The following SRSF5 variants were observed in gnomAD, a reference collection of about 807,000 sequenced individuals.
SRSF5 encodes serine and arginine rich splicing factor 5.
SRSF5 carries 5 observed loss-of-function variants against 34.0 expected under a neutral mutation model. The observed-to-expected ratio is 0.15, with a 90% CI of 0.08 to 0.31. The LOEUF is 0.31. SRSF5 is among the 10% of genes least tolerant of loss of function. The pLI, the probability that SRSF5 is intolerant of heterozygous loss-of-function variation, is 1.00. For missense variants in SRSF5, 223 were observed against 351.4 expected (o/e 0.63, Z 2.92); for synonymous variants, 164 against 117.7 (o/e 1.39, Z -2.55).
intron 7 of SRSF5, 26 bp from the exon 8 acceptor site, chr14:69,771,168 G>A (rs1883156411): frequency 6.2e-7 from 1 of 1,613,680 alleles, no homozygotes; most frequent in Non-Finnish European, 8.5e-7. Flanking sequence ...GTCTTATCTA[G>A]GCTGATTTCT....
intron 4 of SRSF5, 31 bp from the exon 5 acceptor site, chr14:69,769,151 T>G: frequency 6.2e-7 from 1 of 1,612,744 alleles, no homozygotes; most frequent in Non-Finnish European, 8.5e-7. Context: ...ATTGCATTTC[T>G]TCCATTGTGA....
rs1283344001 is a variant in SRSF5 at position 69,767,251 on chromosome 14, G to C, written c.-24G>C. The C allele has an allele frequency of 2.4e-5, 9 of 381,784 alleles. No homozygotes were observed. The highest frequency in any genetic ancestry group is 4.5e-5 in the Non-Finnish European group (9 of 197,876). 23.6% of individuals were successfully genotyped at this position (381,784 alleles called of 1,614,324 possible). On this transcript the variant is annotated 5_prime_UTR_variant, in exon 1 of 8. Coordinates refer to ENST00000557154, the MANE Select transcript of SRSF5 (RefSeq NM_001320214.2). Reference sequence around the variant, plus strand: ...GTCTCAGCCGCCAAAGACCCCGTCCGGTAGGTGAGTGGCTCACTTTGAGGG... The same window carrying C: ...GTCTCAGCCGCCAAAGACCCCGTCCCGTAGGTGAGTGGCTCACTTTGAGGG...
At position 69,769,215 on chromosome 14, in the gene SRSF5, T is replaced by C; in HGVS notation, c.330T>C (p.Leu110=). The C allele has an allele frequency of 6.2e-7, 1 of 1,614,184 alleles. No homozygotes were observed. Among genetic ancestry groups the C allele is most frequent in the South Asian group, 1.1e-5 (1 of 91,086 alleles). The change falls in exon 5 of 8, where the codon CTT becomes CTC. Residue 110 remains leucine (L), a synonymous_variant. Transcript: ENST00000557154. ...CACCTGTAAGAACAGAAAATCGTCT[T>C]ATAGTTGAGAATTTATCCTCAAGAG... The part of the protein sequence containing the change: ...NAPPVRTENR[L]IVENLSSRVS...
intron 5 of SRSF5, chr14:69,770,170 G>A: frequency 9.1e-7 from 1 of 1,094,568 alleles, no homozygotes; most frequent in Non-Finnish European, 1.1e-6. Context: ...TTCCTTTTTT[G>A]TTGTTTTTTT....
chr14:69,767,400 T>A (rs1271665931), intron 1 of SRSF5, 145 bp downstream of exon 1: 9 of 455,744 alleles, frequency 2.0e-5, no homozygotes, highest in Non-Finnish European at 3.5e-5. Flanking sequence ...GGGGCACGTC[T>A]CCCTTTTGGC....
At chr14:69,767,714 G>C (rs751060231) in intron 1 of SRSF5, 7 of 358,918 alleles carry the variant, frequency 2.0e-5, no homozygotes, top group Admixed American at 1.5e-4. Flanking sequence ...CGCTGCTGTT[G>C]GCGCAGGCGC....
chr14:69,768,793 T>C lies in SRSF5; in HGVS notation c.198-5T>C. 6.2e-7 allele frequency: 1 copy of C among 1,614,040 alleles called. No homozygotes were observed. The highest frequency in any genetic ancestry group is 1.1e-5 in the South Asian group (1 of 91,078). ...GTAACGGAGATTTTTCTTCCCTTTT[T>C]GTAGGGTTACTATTGAACATGCTAG... On this transcript the variant is annotated splice_region_variant and splice_polypyrimidine_tract_variant and intron_variant, in intron 3 of 7. Transcript: ENST00000557154.
At chr14:69,767,988 G>A in intron 1 of SRSF5, 150 bp from the exon 2 acceptor site, 1 of 812,286 alleles carries the variant, frequency 1.2e-6, no homozygotes, top group Non-Finnish European at 1.9e-6. Flanking sequence ...TTGTCTGCAG[G>A]TAACCTGGCC....
rs770560916 is a variant in SRSF5, at chr14:69,771,290, A to C, written c.648A>C (p.Arg216Ser). The change falls in exon 8 of 8, where the codon AGA becomes AGC. Residue 216 changes from arginine (R) to serine (S), a missense_variant. Arg to Ser is a moderately radical substitution (Grantham distance 110, BLOSUM62 -1). Around this residue, in one of 4 missense-constraint regions of SRSF5, gnomAD observed 115 missense variants for 119.7 expected, o/e 0.96. Transcript: ENST00000557154. ...SRSRKSYSRS[R>S]SRSRSRSRSK... ...GTCGCAAATCTTACAGCCGGTCAAG[A>C]AGCAGGAGCAGGAGCCGGAGCCGGA... 8 of 1,614,066 alleles carry C rather than the reference A, an allele frequency of 5.0e-6. No individual in the cohort carries two copies. Among genetic ancestry groups the C allele is most frequent in the Admixed American group, 1.7e-5 (1 of 60,026 alleles).
chr14:69,767,358 C>T (rs1014937471), intron 1 of SRSF5, 103 bp downstream of exon 1: 5 of 455,756 alleles, frequency 1.1e-5, no homozygotes, highest in African/African-American at 8.0e-5. Context: ...AGGATGGCGT[C>T]TAATGAGCGC....
intron 5 of SRSF5, 119 bp from the exon 6 acceptor site, chr14:69,770,348 G>A: frequency 1.4e-6 from 2 of 1,466,038 alleles, no homozygotes; most frequent in African/African-American, 1.4e-5. Context: ...TGTGGTAAAT[G>A]CCATGTTTGT....
rs906468277 is a variant in SRSF5, at chr14:69,771,840, CTAAT to C, written c.*384_*387del. On this transcript the variant is annotated 3_prime_UTR_variant, in exon 8 of 8. Coordinates refer to ENST00000557154, the MANE Select transcript of SRSF5 (RefSeq NM_001320214.2). ...GAATTAGTTTAATGCCTTAATTAAACTAATTAATAGCTTTGGACACTTAAAAGAG... is the reference window on the plus strand; with the variant it reads ...GAATTAGTTTAATGCCTTAATTAAACTAATAGCTTTGGACACTTAAAAGAG... The C allele has an allele frequency of 1.4e-4, 28 of 196,698 alleles. No individual in the cohort carries two copies. The highest frequency in any genetic ancestry group is 2.4e-4 in the Non-Finnish European group (23 of 94,892). The allele number at this position is 196,698 out of a possible 1,614,324, so 12.2% of individuals were successfully genotyped here.
chr14:69,768,505 A>G, intron 2 of SRSF5, 99 bp from the exon 3 acceptor site: 1 of 1,318,310 alleles, frequency 7.6e-7, no homozygotes, highest in South Asian at 1.2e-5. Context: ...AGTGTCGTTA[A>G]GATACTCTTC....
chr14:69,771,707 A>C lies in SRSF5; in HGVS notation c.*246A>C, dbSNP rs1297126599. ...ATTTTTGTGAATGTCTGAAGTATAT[A>C]GTTTGTGTATATTGACAGAGCTCTT... On this transcript the variant is annotated 3_prime_UTR_variant, in exon 8 of 8. Coordinates refer to ENST00000557154, the MANE Select transcript of SRSF5 (RefSeq NM_001320214.2). 2 of 474,638 alleles carry C rather than the reference A, an allele frequency of 4.2e-6. No individual in the cohort carries two copies. The highest frequency in any genetic ancestry group is 7.8e-5 in the Admixed American group (2 of 25,702). 29.4% of individuals were successfully genotyped at this position (474,638 alleles called of 1,614,324 possible).
At chr14:69,770,599 T>TA (rs1471049624) in intron 6 of SRSF5, 59 bp downstream of exon 6, 40 of 1,471,136 alleles carry the variant, frequency 2.7e-5, no homozygotes, top group African/African-American at 4.2e-5. Context: ...ACTGTGAACT[T>TA]AGTTTTGAGG....
intron 1 of SRSF5, 36 bp downstream of exon 1, chr14:69,767,291 T>A (rs1335250352): frequency 1.9e-5 from 8 of 413,574 alleles, no homozygotes; most frequent in South Asian, 1.4e-4. Context: ...CCTTCTCGGA[T>A]CGAGGCTTCT....
At chr14:69,770,389 C>CT in intron 5 of SRSF5, 78 bp from the exon 6 acceptor site, 1 of 1,562,412 alleles carries the variant, frequency 6.4e-7, no homozygotes. Flanking sequence ...TTTCAGTAGT[C>CT]TTGTTTTTTT....
At chr14:69,769,830 G>C (rs1465002295) in intron 5 of SRSF5, 54 of 1,299,952 alleles carry the variant, frequency 4.2e-5, no homozygotes, top group Non-Finnish European at 5.0e-5. Flanking sequence ...AATCCTGATC[G>C]CAGTAAAGTG....
intron 4 of SRSF5, 61 bp from the exon 5 acceptor site, chr14:69,769,121 A>C: frequency 1.9e-6 from 3 of 1,590,330 alleles, no homozygotes; most frequent in Non-Finnish European, 2.6e-6. Flanking sequence ...ACTTGCCCAC[A>C]GTTGAACACA....
Sources: gnomAD v4.1 joint callset for allele counts on GRCh38, gnomAD v4.1.1 for gene constraint, gnomAD v4.1.1 regional missense constraint, MANE v1.5 for transcripts, NCBI Gene and HGNC (gene_info 2026-07-23, HGNC 2026-07-21) for gene names.